Variants in GPR160 observed in about 807,000 individuals in gnomAD.
GPR160 encodes probable G protein-coupled receptor 160.
Under a neutral mutation model 2.6 loss-of-function variants are expected in GPR160, and 2 were observed. The observed-to-expected ratio is 0.77, with a 90% CI of 0.32 to 2.44. GPR160 has a LOEUF of 2.44. Among genes scored for constraint, GPR160 ranks in the 30% most tolerant of loss-of-function variants. The pLI is 0.11. For synonymous variants in GPR160, 130 were observed against 132.2 expected (o/e 0.98, Z 0.12); for missense variants, 351 against 383.6 (o/e 0.91, Z 0.71).
chr3:170,085,048 T>C lies in GPR160; in HGVS notation c.*59T>C. ...TCATAATTTTATGAACAGAAAGAACTCAGGACATATTAAAAAATAAACTGA... is the reference window on the plus strand; with the variant it reads ...TCATAATTTTATGAACAGAAAGAACCCAGGACATATTAAAAAATAAACTGA... On this transcript the variant is annotated 3_prime_UTR_variant, in exon 4 of 4. Transcript: ENST00000355897. 2 of 894,768 alleles carry C rather than the reference T, an allele frequency of 2.2e-6. No homozygotes were observed. Among genetic ancestry groups the C allele is most frequent in the Non-Finnish European group, 3.2e-6 (2 of 622,192 alleles). The allele number at this position is 894,768 out of a possible 1,614,324, so 55.4% of individuals were successfully genotyped here. A position where few individuals can be genotyped will look rare whatever the true frequency, so the allele number is the denominator to read the frequency against.
intron 2 of GPR160, among the ~76,000 whole-genome samples, chr3:170,049,422 T>A (rs1172823765): frequency 6.6e-6 from 1 of 152,240 alleles, no homozygotes; most frequent in African/African-American, 2.4e-5. Flanking sequence ...CAAAGTGAAC[T>A]GCTTCCGCAG....
At chr3:170,042,436 A>G (rs1286175827) in intron 2 of GPR160, among the ~76,000 whole-genome samples, 1 of 141,748 alleles carries the variant, frequency 7.1e-6, no homozygotes, top group Non-Finnish European at 1.6e-5. Context: ...AAAAAAAAAA[A>G]GAAAGAAAGA....
intron 2 of GPR160, among the ~76,000 whole-genome samples, chr3:170,059,642 T>TA (rs1711831235): frequency 6.6e-6 from 1 of 152,164 alleles, no homozygotes; most frequent in African/African-American, 2.4e-5. Context: ...TCCTTTAAGT[T>TA]AATCTCTAAT....
At chr3:170,071,802 A>G (rs941782811) in intron 2 of GPR160, among the ~76,000 whole-genome samples, 3 of 152,200 alleles carry the variant, frequency 2.0e-5, no homozygotes, top group Non-Finnish European at 4.4e-5. Flanking sequence ...TATCACCAAC[A>G]GAAATACCTC....
At chr3:170,072,751 G>C (rs1025937357) in intron 2 of GPR160, among the ~76,000 whole-genome samples, 1 of 152,140 alleles carries the variant, frequency 6.6e-6, no homozygotes, top group African/African-American at 2.4e-5. Context: ...AGGGCACCAA[G>C]TCATTCATGA....
intron 2 of GPR160, among the ~76,000 whole-genome samples, chr3:170,056,081 T>C (rs1426959539): frequency 6.6e-6 from 1 of 152,250 alleles, no homozygotes; most frequent in Admixed American, 6.5e-5. Flanking sequence ...ATTTTCTATT[T>C]GTTGATGTTG....
intron 2 of GPR160, chr3:170,058,052 T>TA (rs975187196): frequency 3.0e-4 from 45 of 152,308 alleles, no homozygotes; most frequent in African/African-American, 1.1e-3. Flanking sequence ...TTAGAATTCT[T>TA]ACGATGAATG....
Position 170,062,768 on chromosome 3 carries a change from G to A in GPR160, c.-192-17006G>A. The A allele has an allele frequency of 7.2e-6, 6 of 835,566 alleles. 1 individual carries two copies. The highest frequency in any genetic ancestry group is 2.8e-5 in the South Asian group (2 of 71,310). 51.8% of individuals were successfully genotyped at this position (835,566 alleles called of 1,614,324 possible). A position where few individuals can be genotyped will look rare whatever the true frequency, so the allele number is the denominator to read the frequency against. On this transcript the variant is annotated intron_variant, in intron 2 of 3. Transcript: ENST00000355897. The stretch of plus-strand genomic sequence containing the variant: ...ACCCTGTCCCAAGGAGCTCCAGGAA[G>A]GGCAAAGCGGAGCTGCAATTTGAAG...
chr3:170,058,406 T>G (rs73879167), intron 2 of GPR160, among the ~76,000 whole-genome samples: 21,303 of 152,094 alleles, frequency 0.14, 1,589 homozygotes, highest in African/African-American at 0.19. Context: ...ATACCTAACT[T>G]CTGGGGAGCC....
chr3:170,066,120 TTTTC>T (rs1428275559), intron 2 of GPR160, among the ~76,000 whole-genome samples: 1 of 120,760 alleles, frequency 8.3e-6, no homozygotes, highest in African/African-American at 2.9e-5. Flanking sequence ...ACACTATTCT[TTTTC>T]TTTTTCTTTT....
intron 3 of GPR160, chr3:170,083,242 T>TC (rs1354722167): frequency 6.6e-6 from 1 of 152,210 alleles, no homozygotes; most frequent in Non-Finnish European, 1.5e-5. Context: ...TTCTCATGTA[T>TC]CCATACTGAG....
rs551568332 is a variant in GPR160 at position 170,054,994 on chromosome 3, A to T, written c.-193+15951A>T. 3.3e-5 allele frequency among the ~76,000 whole-genome samples: 5 copies of T among 152,222 alleles called. No homozygotes were observed. The South Asian group carries it at 1.0e-3, about 32-fold the overall frequency. On this transcript the variant is annotated intron_variant, in intron 2 of 3. Coordinates refer to ENST00000355897, the MANE Select transcript of GPR160 (RefSeq NM_014373.3). ...TTTTTAGTAGAGACAGGGTTTCACCATGTTGGCCAGGCTGGTCTCGAACTC... is the reference window on the plus strand; with the variant it reads ...TTTTTAGTAGAGACAGGGTTTCACCTTGTTGGCCAGGCTGGTCTCGAACTC...
chr3:170,046,892 A>T (rs894368747), intron 2 of GPR160, among the ~76,000 whole-genome samples: 1 of 152,188 alleles, frequency 6.6e-6, no homozygotes, highest in Non-Finnish European at 1.5e-5. Flanking sequence ...GAGAGGTAAC[A>T]TGAGTTCTTA....
chr3:170,053,940 G>C (rs1240699179), intron 2 of GPR160, among the ~76,000 whole-genome samples: 1 of 151,150 alleles, frequency 6.6e-6, no homozygotes, highest in Non-Finnish European at 1.5e-5. Flanking sequence ...AAAGACCACA[G>C]TTACCCATTT....
chr3:170,078,362 G>A (rs1001530098), intron 2 of GPR160, among the ~76,000 whole-genome samples: 5 of 152,076 alleles, frequency 3.3e-5, no homozygotes, highest in Admixed American at 3.3e-4. Flanking sequence ...AGGAGACAGA[G>A]GTTTTCCCTG....
chr3:170,039,357 C>T (rs1716346093), intron 2 of GPR160, among the ~76,000 whole-genome samples: 1 of 152,096 alleles, frequency 6.6e-6, no homozygotes, highest in Non-Finnish European at 1.5e-5. Context: ...AAGAGAAATT[C>T]GGTGGCAATA....
At chr3:170,059,356 T>A (rs1332608747) in intron 2 of GPR160, among the ~76,000 whole-genome samples, 1 of 152,154 alleles carries the variant, frequency 6.6e-6, no homozygotes, top group African/African-American at 2.4e-5. Context: ...TCAGATAACT[T>A]TATAACAGAG....
intron 3 of GPR160, among the ~76,000 whole-genome samples, chr3:170,080,336 G>A (rs1038564891): frequency 2.0e-5 from 3 of 152,144 alleles, no homozygotes; most frequent in Admixed American, 6.5e-5. Flanking sequence ...CCATGATCGT[G>A]GTATTCAGGA....
chr3:170,081,080 A>G (rs1038103007), intron 3 of GPR160, among the ~76,000 whole-genome samples: 1 of 152,236 alleles, frequency 6.6e-6, no homozygotes, highest in Non-Finnish European at 1.5e-5. Flanking sequence ...CTATTCTTTT[A>G]TCCTAAAGTT....
Sources: allele counts gnomAD v4.1 joint callset (sites outside exome capture counted in the v4.1 genomes callset), GRCh38; gene constraint gnomAD v4.1.1; transcripts MANE v1.5; gene names NCBI Gene and HGNC (gene_info 2026-07-23, HGNC 2026-07-21).